Variants in OSBP observed in about 807,000 individuals in gnomAD.
OSBP encodes the protein oxysterol-binding protein 1.
OSBP carries 32 observed loss-of-function variants against 96.6 expected under a neutral mutation model. That is an observed-to-expected ratio of 0.33 (90% CI 0.25 to 0.45). The LOEUF (loss-of-function observed/expected upper bound fraction) is 0.45, where lower values mean the gene tolerates loss of function less well. Ranked by LOEUF, OSBP falls within the 20% of genes least tolerant of loss-of-function variation. The pLI is 1.00. For missense variants in OSBP, 653 were observed against 1,029.7 expected (o/e 0.63, Z 5.01); for synonymous variants, 369 against 389.6 (o/e 0.95, Z 0.62).
chr11:59,604,480 T>A (rs957130421), intron 3 of OSBP, among the ~76,000 whole-genome samples: 4 of 151,992 alleles, frequency 2.6e-5, no homozygotes, highest in Non-Finnish European at 5.9e-5. Context: ...GGCAGGCAAA[T>A]CACCTGAGGT....
In OSBP at chr11:59,615,045, A is replaced by G. The variant is rs114692561; in HGVS notation, c.362+258T>C. 3.3e-3 allele frequency among the ~76,000 whole-genome samples: 508 copies of G among 152,336 alleles called. 5 individuals carry two copies. The highest frequency in any genetic ancestry group is 0.011 in the African/African-American group (455 of 41,576). On this transcript the variant is annotated intron_variant, in intron 1 of 13. Transcript: ENST00000263847. Reference sequence around the variant, plus strand: ...AAGCACAGACGCTCTCCAAACGACTAATGACTGGAAAGGCCGGGAGCGAAG... The same window carrying G: ...AAGCACAGACGCTCTCCAAACGACTGATGACTGGAAAGGCCGGGAGCGAAG...
chr11:59,592,419 T>C (rs987313972), intron 9 of OSBP, among the ~76,000 whole-genome samples: 3 of 152,218 alleles, frequency 2.0e-5, no homozygotes, highest in African/African-American at 7.2e-5. Context: ...GGTGAATTCA[T>C]TAAAGAAGCA....
intron 8 of OSBP, 140 bp downstream of exon 8, chr11:59,593,870 C>T (rs572548203): frequency 1.9e-4 from 272 of 1,415,750 alleles, no homozygotes; most frequent in African/African-American, 8.8e-4. Context: ...GGGTCTCCAA[C>T]GCTGACGTTC....
In OSBP at chr11:59,608,464, C is replaced by T; in HGVS notation, c.822+20G>A. On this transcript the variant is annotated intron_variant, in intron 3 of 13. Transcript: ENST00000263847. ...AGAGGGAATGAATCAAAAAGCAACA[C>T]AGACACCATCTGCACTCACGTTGAT... 6.2e-7 allele frequency: 1 copy of T among 1,614,004 alleles called. No homozygotes were observed. The highest frequency in any genetic ancestry group is 8.5e-7 in the Non-Finnish European group (1 of 1,179,952).
At chr11:59,581,277 C>T (rs1860416990) in intron 10 of OSBP, among the ~76,000 whole-genome samples, 174 bp downstream of exon 10, 1 of 152,156 alleles carries the variant, frequency 6.6e-6, no homozygotes, top group Non-Finnish European at 1.5e-5. Context: ...ATTTGTGGTA[C>T]AGAAAACTTA....
At chr11:59,579,293 A>G (rs2134650761) in intron 11 of OSBP, among the ~76,000 whole-genome samples, 1 of 151,352 alleles carries the variant, frequency 6.6e-6, no homozygotes, top group South Asian at 2.1e-4. Flanking sequence ...GAAATCTTTT[A>G]TTAGTCCTTC....
At position 59,608,671 on chromosome 11, in the gene OSBP, C is replaced by T. The variant is rs766453014; in HGVS notation, c.635G>A (p.Arg212Gln). ...TDKTELQNTL[R>Q]TLSSKVEDLS... ...GTCCTCTACTTTGCTAGAGAGGGTC[C>T]GAAGGGTATTCTGCAGCTCAGTCTT... The change falls in exon 3 of 14, where the codon CGG becomes CAG. Residue 212 changes from arginine to glutamine, a missense_variant. Coordinates refer to ENST00000263847, the MANE Select transcript of OSBP (RefSeq NM_002556.3). The T allele has an allele frequency of 6.2e-7, 1 of 1,613,968 alleles. No individual in the cohort carries two copies. Among genetic ancestry groups the T allele is most frequent in the Non-Finnish European group, 8.5e-7 (1 of 1,179,886 alleles).
intron 3 of OSBP, among the ~76,000 whole-genome samples, chr11:59,602,998 T>C (rs1386580133): frequency 6.6e-6 from 1 of 152,176 alleles, no homozygotes; most frequent in African/African-American, 2.4e-5. Context: ...CCCTATCCCC[T>C]GTTTCTAAGA....
At chr11:59,589,672 T>A (rs186284165) in intron 9 of OSBP, among the ~76,000 whole-genome samples, 17 of 152,044 alleles carry the variant, frequency 1.1e-4, no homozygotes, top group African/African-American at 3.6e-4. Flanking sequence ...AGTTTCTATA[T>A]CCTAGAACTC....
intron 9 of OSBP, among the ~76,000 whole-genome samples, chr11:59,589,920 T>C (rs1590670822): frequency 6.6e-6 from 1 of 152,072 alleles, no homozygotes; most frequent in East Asian, 1.9e-4. Flanking sequence ...GAGGAGGAGG[T>C]TGCAGTGAGC....
intron 2 of OSBP, among the ~76,000 whole-genome samples, chr11:59,609,176 T>G (rs1311274179): frequency 6.6e-6 from 1 of 152,142 alleles, no homozygotes; most frequent in Non-Finnish European, 1.5e-5. Flanking sequence ...TTTTTGCAAC[T>G]CCACTATCAT....
At chr11:59,604,221 T>C (rs1860753100) in intron 3 of OSBP, among the ~76,000 whole-genome samples, 2 of 151,676 alleles carry the variant, frequency 1.3e-5, no homozygotes, top group Non-Finnish European at 2.9e-5. Flanking sequence ...TAGAACCACA[T>C]TAGGCTCACA....
At chr11:59,600,411 G>C in intron 7 of OSBP, 85 bp downstream of exon 7, 1 of 1,399,074 alleles carries the variant, frequency 7.1e-7, no homozygotes, top group Admixed American at 2.2e-5. Context: ...TGCCGCACAA[G>C]TGGGTGGGGC....
chr11:59,602,192 A>C (rs1860732786), intron 3 of OSBP, among the ~76,000 whole-genome samples: 1 of 152,216 alleles, frequency 6.6e-6, no homozygotes, highest in African/African-American at 2.4e-5. Flanking sequence ...AAGAAGGATG[A>C]GAGCACACAC....
chr11:59,610,256 G>A lies in OSBP; in HGVS notation c.571+125C>T, dbSNP rs192751813. 2.8e-3 allele frequency: 2,259 copies of A among 814,594 alleles called. 4 individuals are homozygous for A. The highest frequency in any genetic ancestry group is 4.2e-3 in the Non-Finnish European group (2,015 of 484,828). 50.5% of individuals were successfully genotyped at this position (814,594 alleles called of 1,614,324 possible). ...TCCAGCAGAAATACTGCATGAAGACGAGAAGCTTGAGACCTCTAGGAAATA... is the reference window on the plus strand; with the variant it reads ...TCCAGCAGAAATACTGCATGAAGACAAGAAGCTTGAGACCTCTAGGAAATA... On this transcript the variant is annotated intron_variant, in intron 2 of 13. Coordinates refer to ENST00000263847, the MANE Select transcript of OSBP (RefSeq NM_002556.3).
At position 59,580,035 on chromosome 11, in the gene OSBP, C is replaced by T. The variant is rs56198198; in HGVS notation, c.1878+139G>A. On this transcript the variant is annotated intron_variant, in intron 11 of 13. Transcript: ENST00000263847. The stretch of plus-strand genomic sequence containing the variant: ...CCTTTCACCTCTACTTTTTTTGAAT[C>T]ACTATATGTACACATACACTATATA... 8.7e-3 allele frequency: 5,756 copies of T among 659,574 alleles called. 250 individuals are homozygous for T. In the African/African-American group the frequency reaches 0.095, roughly 11 times the overall value. The allele number at this position is 659,574 out of a possible 1,614,324, so 40.9% of individuals were successfully genotyped here.
chr11:59,604,392 A>T (rs527857096), intron 3 of OSBP, among the ~76,000 whole-genome samples: 24 of 152,226 alleles, frequency 1.6e-4, no homozygotes, highest in East Asian at 1.5e-3. Context: ...TATAAAAATT[A>T]AAAAAAGATA....
intron 9 of OSBP, among the ~76,000 whole-genome samples, chr11:59,584,686 T>C (rs1237597541): frequency 6.6e-6 from 1 of 152,172 alleles, no homozygotes; most frequent in Non-Finnish European, 1.5e-5. Context: ...GCAAATATCA[T>C]ACTCAATGGT....
chr11:59,612,444 G>A (rs545256873), intron 1 of OSBP, among the ~76,000 whole-genome samples: 1 of 152,272 alleles, frequency 6.6e-6, no homozygotes, highest in Admixed American at 6.5e-5. Context: ...CCTTATTGGA[G>A]CTTTTTGGAA....
Sources: gnomAD v4.1 joint callset for allele counts (sites outside exome capture counted in the v4.1 genomes callset) on GRCh38, gnomAD v4.1.1 for gene constraint, MANE v1.5 for transcripts, NCBI Gene and HGNC (gene_info 2026-07-23, HGNC 2026-07-21) for gene names.